NCALD: variants seen among roughly 807,000 people sequenced by gnomAD.
NCALD encodes the protein neurocalcin delta, also known as neurocalcin-delta.
In NCALD, 10 loss-of-function variants were observed where a neutral mutation model predicts 18.6. The observed-to-expected ratio is 0.54, with a 90% CI of 0.33 to 0.91. NCALD has a LOEUF of 0.91. NCALD is among the 40% of genes least tolerant of loss of function. The pLI is 0.03. For missense variants in NCALD, 184 were observed against 247.6 expected, an observed-to-expected ratio of 0.74 and a Z score of 1.72; for synonymous variants, 88 against 87.4, an observed-to-expected ratio of 1.01 and a Z score of -0.04.
At position 101,692,860 on chromosome 8, in the gene NCALD, G is replaced by A. The variant is rs752795281; in HGVS notation, c.415C>T (p.Pro139Ser). 1 of 1,613,828 alleles carries A rather than the reference G, an allele frequency of 6.2e-7. No individual in the cohort carries two copies. Among genetic ancestry groups the A allele is most frequent in the Non-Finnish European group, 8.5e-7 (1 of 1,179,834 alleles). ...TTCTCTGGGGTTGACTCATCTTCAG[G>A]CATTTTCATTACAGAGGAAACCATC... The part of the protein sequence containing the change: ...YKMVSSVMKM[P>S]EDESTPEKRT... Residue 139 changes from proline to serine, a missense_variant, in exon 3 of 4, where the codon CCT becomes TCT. Coordinates refer to ENST00000220931, the MANE Select transcript of NCALD (RefSeq NM_032041.3).
At chr8:101,936,774 G>A (rs992198699) in intron 2 of NCALD, among the ~76,000 whole-genome samples, 2 of 152,098 alleles carry the variant, frequency 1.3e-5, no homozygotes, top group Non-Finnish European at 2.9e-5. Flanking sequence ...TCTAGGGTAG[G>A]TTCATGTTTA....
At chr8:101,923,493 T>G (rs1818236481) in intron 2 of NCALD, among the ~76,000 whole-genome samples, 1 of 152,206 alleles carries the variant, frequency 6.6e-6, no homozygotes, top group Admixed American at 6.5e-5. Context: ...GTGTAATTGT[T>G]GTCAAGTCCC....
chr8:102,071,720 C>G (rs555014311), intron 1 of NCALD, among the ~76,000 whole-genome samples: 2 of 71,326 alleles, frequency 2.8e-5, no homozygotes, highest in South Asian at 7.4e-4. Context: ...AATCAGAAAA[C>G]GAAATTTTAA....
At chr8:101,984,751 T>G (rs1265700389) in intron 2 of NCALD, among the ~76,000 whole-genome samples, 1 of 152,176 alleles carries the variant, frequency 6.6e-6, no homozygotes, top group Non-Finnish European at 1.5e-5. Context: ...TTGAGCAAGA[T>G]CAAGGGAGTG....
Position 101,712,587 on chromosome 8 carries a change from CAAAAAA to C in NCALD, c.378+6659_378+6664del, listed in dbSNP as rs201729096. 1.0e-3 allele frequency among the ~76,000 whole-genome samples: 82 copies of C among 78,902 alleles called. 3 individuals are homozygous for C. Among genetic ancestry groups the C allele is most frequent in the East Asian group, 6.0e-3 (15 of 2,484 alleles). 51.8% of individuals were successfully genotyped at this position (78,902 alleles called of 152,430 possible). A position where few individuals can be genotyped will look rare whatever the true frequency, so the allele number is the denominator to read the frequency against. The stretch of plus-strand genomic sequence containing the variant: ...GAAGATTTACCAAACAAATGGAAAG[CAAAAAA>C]AAAAAAAAAAAAAAAAAATAGCAGA... On this transcript the variant is annotated intron_variant, in intron 2 of 3. Transcript: ENST00000220931.
At chr8:101,931,646 T>G (rs1370584436) in intron 2 of NCALD, among the ~76,000 whole-genome samples, 1 of 149,050 alleles carries the variant, frequency 6.7e-6, no homozygotes, top group African/African-American at 2.6e-5. Flanking sequence ...TCCTTTCTCG[T>G]ATTTTCTTTG....
intron 1 of NCALD, among the ~76,000 whole-genome samples, chr8:102,059,714 CTATT>C (rs1490638365): frequency 3.3e-5 from 5 of 152,176 alleles, no homozygotes; most frequent in Non-Finnish European, 7.4e-5. Flanking sequence ...AATTTGTTAA[CTATT>C]AGGTAGGAGG....
rs751334117 is a variant in NCALD, at chr8:101,719,369, G to A, written c.261C>T (p.Ile87=). The A allele has an allele frequency of 1.3e-5, 21 of 1,614,074 alleles. No individual in the cohort carries two copies. Among genetic ancestry groups the A allele is most frequent in the South Asian group, 6.6e-5 (6 of 91,086 alleles). Residue 87 remains isoleucine (I), a synonymous_variant, in exon 2 of 4, where the codon ATC becomes ATT. Transcript: ENST00000220931. ...TCCCCCTCGAAGTTACACTCAAGGC[G>A]ATGATGAATTCTCTAAAGTCTATTG... ...DGTIDFREFI[I]ALSVTSRGKL...
intron 4 of NCALD, among the ~76,000 whole-genome samples, chr8:101,830,987 T>G (rs1447683336): frequency 6.6e-6 from 1 of 152,122 alleles, no homozygotes; most frequent in Non-Finnish European, 1.5e-5. Flanking sequence ...CTGAGGGCAC[T>G]TGGATCCTCT....
chr8:101,718,383 C>A (rs145648714), intron 2 of NCALD, among the ~76,000 whole-genome samples: 46 of 152,118 alleles, frequency 3.0e-4, no homozygotes, highest in Non-Finnish European at 1.5e-5. Flanking sequence ...CAATTCATAC[C>A]TTCTGCATAT....
chr8:101,715,822 A>T (rs1816052397), intron 2 of NCALD, among the ~76,000 whole-genome samples: 1 of 152,170 alleles, frequency 6.6e-6, no homozygotes, highest in Non-Finnish European at 1.5e-5. Context: ...GAAACAACAG[A>T]TTCTGGAGAG....
In NCALD at chr8:101,698,072, G is replaced by A. The variant is rs192469839; in HGVS notation, c.379-5176C>T. On this transcript the variant is annotated intron_variant, in intron 2 of 3. Coordinates refer to ENST00000220931, the MANE Select transcript of NCALD (RefSeq NM_032041.3). ...GCCCCAAAACTCCTTAAGCTGATAA[G>A]CAACTTCACAAAGTCTCAGGATACA... Among the ~76,000 whole-genome samples, 533 of 152,240 alleles carry A rather than the reference G, an allele frequency of 3.5e-3. 1 individual carries two copies. Among genetic ancestry groups the A allele is most frequent in the Non-Finnish European group, 3.3e-3 (227 of 68,014 alleles).
At chr8:101,940,498 A>C (rs1818915736) in intron 2 of NCALD, among the ~76,000 whole-genome samples, 1 of 152,236 alleles carries the variant, frequency 6.6e-6, no homozygotes, top group Non-Finnish European at 1.5e-5. Flanking sequence ...GAAATATACC[A>C]AACAGCACTA....
chr8:102,108,844 A>C (rs1384708426), intron 1 of NCALD, among the ~76,000 whole-genome samples: 1 of 152,212 alleles, frequency 6.6e-6, no homozygotes, highest in Non-Finnish European at 1.5e-5. Flanking sequence ...TCAAACACAG[A>C]TTTATCACTA....
chr8:101,811,312 C>T (rs1813296537), intron 4 of NCALD, among the ~76,000 whole-genome samples: 1 of 152,076 alleles, frequency 6.6e-6, no homozygotes, highest in South Asian at 2.1e-4. Context: ...TGGACCACTG[C>T]AGTTGGCTAG....
In NCALD at chr8:101,809,431, T is replaced by C. The variant is rs192161854; in HGVS notation, c.-20+77710A>G. On this transcript the variant is annotated intron_variant, in intron 4 of 6. Transcript: ENST00000311028. ...AAGAAAATGGTCCACAAATCACCTC[T>C]TTATATTTAATCTCCCATATAAAAG... Among the ~76,000 whole-genome samples, 39 of 152,370 alleles carry C rather than the reference T, an allele frequency of 2.6e-4. 1 individual carries two copies. In the East Asian group the frequency reaches 5.4e-3, roughly 21 times the overall value.
intron 1 of NCALD, among the ~76,000 whole-genome samples, chr8:102,024,707 C>T (rs1028165792): frequency 2.6e-5 from 4 of 152,172 alleles, no homozygotes; most frequent in African/African-American, 7.2e-5. Context: ...ATTAAGCCTT[C>T]GTCCTCTACC....
chr8:101,832,605 G>A (rs1435602165), intron 4 of NCALD, among the ~76,000 whole-genome samples: 1 of 152,086 alleles, frequency 6.6e-6, no homozygotes, highest in Non-Finnish European at 1.5e-5. Flanking sequence ...AAGAGCTAGA[G>A]GTAGTTATTG....
At chr8:102,011,517 G>C (rs966054209) in intron 2 of NCALD, among the ~76,000 whole-genome samples, 1 of 152,124 alleles carries the variant, frequency 6.6e-6, no homozygotes, top group African/African-American at 2.4e-5. Flanking sequence ...ACCCCTGAAG[G>C]CTCAATAAAT....
Sources: gnomAD v4.1 joint callset for allele counts (sites outside exome capture counted in the v4.1 genomes callset) on GRCh38, gnomAD v4.1.1 for gene constraint, MANE v1.5 for transcripts, NCBI Gene and HGNC (gene_info 2026-07-23, HGNC 2026-07-21) for gene names.